Variants in COL14A1 observed in about 807,000 individuals in gnomAD.
COL14A1 encodes collagen type XIV alpha 1 chain, also known as collagen alpha-1(XIV) chain.
COL14A1 carries 136 observed loss-of-function variants against 230.3 expected under a neutral mutation model. The observed-to-expected ratio is 0.59, with a 90% CI of 0.51 to 0.68. The LOEUF is 0.68. COL14A1 is among the 30% of genes least tolerant of loss of function. The probability of loss-of-function intolerance (pLI) is 0.00; values close to 1 mark genes in which losing one functional copy is unlikely to be tolerated. For missense variants in COL14A1, 1,976 were observed against 2,215.8 expected (o/e 0.89, Z 2.17); for synonymous variants, 792 against 784.1 (o/e 1.01, Z -0.17).
intron 14 of COL14A1, 29 bp from the exon 15 acceptor site, chr8:120,225,059 G>A (rs954359879): frequency 1.9e-6 from 3 of 1,600,112 alleles, no homozygotes; most frequent in African/African-American, 1.3e-5. Context: ...ATTAGATAGA[G>A]CTGTTATTAT....
Position 120,209,877 on chromosome 8 carries a change from G to T in COL14A1, c.1443G>T (p.Glu481Asp), listed in dbSNP as rs374310944. The T allele has an allele frequency of 6.2e-6, 10 of 1,608,726 alleles. No individual in the cohort carries two copies. The highest frequency in any genetic ancestry group is 8.5e-6 in the Non-Finnish European group (10 of 1,177,900). ...GYLILYAPLT[E>D]GLAGDEKEMK... is the part of the protein sequence containing the mutation. ...TGATCCTTTATGCTCCTCTAACAGA[G>T]GGCCTGGCTGGGGATGAAAAAGAGG... Residue 481 changes from glutamate (E) to aspartate (D), a missense_variant, in exon 12 of 48, where the codon GAG becomes GAT. Glu to Asp is a conservative substitution (Grantham distance 45). Around this residue, in one of 3 missense-constraint regions of COL14A1, gnomAD observed 1,791 missense variants for 2,019.5 expected, o/e 0.89. Coordinates refer to ENST00000297848, the MANE Select transcript of COL14A1 (RefSeq NM_021110.4).
chr8:120,288,049 G>A (rs1820260516), intron 33 of COL14A1, among the ~76,000 whole-genome samples: 1 of 151,008 alleles, frequency 6.6e-6, no homozygotes, highest in South Asian at 2.1e-4. Context: ...TTAAGCATGT[G>A]AATAACTCCC....
chr8:120,297,502 A>G lies in COL14A1; in HGVS notation c.4237-9A>G. 2 of 1,419,260 alleles carry G rather than the reference A, an allele frequency of 1.4e-6. No individual in the cohort carries two copies. The highest frequency in any genetic ancestry group is 1.9e-6 in the Non-Finnish European group (2 of 1,080,936). The allele number at this position is 1,419,260 out of a possible 1,614,324, so 87.9% of individuals were successfully genotyped here. A position where few individuals can be genotyped will look rare whatever the true frequency, so the allele number is the denominator to read the frequency against. ...TTTATTGAATGACAATTTTCTTTTTAAATCATAGTTCCAGTTACAGATGTT... is the reference window on the plus strand; with the variant it reads ...TTTATTGAATGACAATTTTCTTTTTGAATCATAGTTCCAGTTACAGATGTT... On this transcript the variant is annotated splice_polypyrimidine_tract_variant and intron_variant, in intron 34 of 47. Transcript: ENST00000297848.
intron 9 of COL14A1, among the ~76,000 whole-genome samples, chr8:120,204,922 A>G (rs1817380423): frequency 6.6e-6 from 1 of 152,002 alleles, no homozygotes; most frequent in African/African-American, 2.4e-5. Context: ...ATTGTAGGGG[A>G]AAAGATTCAT....
chr8:120,244,927 C>T lies in COL14A1; in HGVS notation c.2479+919C>T, dbSNP rs569559644. ...AAATCTTATGTCCTTCCGTGCCTTACAAAGATCAACCTACCACCTGGATCC... is the reference window on the plus strand; with the variant it reads ...AAATCTTATGTCCTTCCGTGCCTTATAAAGATCAACCTACCACCTGGATCC... On this transcript the variant is annotated intron_variant, in intron 20 of 47. Coordinates refer to ENST00000297848, the MANE Select transcript of COL14A1 (RefSeq NM_021110.4). Among the ~76,000 whole-genome samples, 293 of 152,288 alleles carry T rather than the reference C, an allele frequency of 1.9e-3. 1 individual carries two copies. The highest frequency in any genetic ancestry group is 0.01 in the Middle Eastern group (3 of 294).
rs995685472 is a variant in COL14A1 at position 120,371,781 on chromosome 8, A to G, written c.*550A>G. The G allele has an allele frequency of 5.1e-6, 2 of 392,990 alleles. No individual in the cohort carries two copies. Among genetic ancestry groups the G allele is most frequent in the Admixed American group, 4.4e-5 (1 of 22,550 alleles). The allele number at this position is 392,990 out of a possible 1,614,324, so 24.3% of individuals were successfully genotyped here. On this transcript the variant is annotated 3_prime_UTR_variant, in exon 48 of 48. Transcript: ENST00000297848. ...CTGGTTTCATGTGTATCCAAAAATC[A>G]GCATTTGGATTTAAGCTTTCTGAAT... is the stretch of plus-strand genomic sequence containing the variant.
At chr8:120,350,598 T>A (rs1822714697) in intron 45 of COL14A1, among the ~76,000 whole-genome samples, 1 of 150,468 alleles carries the variant, frequency 6.6e-6, no homozygotes, top group Non-Finnish European at 1.5e-5. Context: ...TAGTCTCTGA[T>A]AAAACAGACT....
At chr8:120,300,414 A>G (rs759553880) in intron 35 of COL14A1, among the ~76,000 whole-genome samples, 12 of 152,066 alleles carry the variant, frequency 7.9e-5, no homozygotes, top group Non-Finnish European at 1.3e-4. Flanking sequence ...ACAGAGTACT[A>G]TCACTCCAAC....
rs970722200 is a variant in COL14A1 at position 120,209,861 on chromosome 8, A to T, written c.1427A>T (p.Tyr476Phe). 6.2e-7 allele frequency: 1 copy of T among 1,613,622 alleles called. No homozygotes were observed. Residue 476 changes from tyrosine (Y) to phenylalanine (F), a missense_variant, in exon 12 of 48, where the codon TAT becomes TTT. By Grantham distance (22) the Tyr-to-Phe change is conservative. This residue lies in a region of COL14A1 where 1,791 missense variants were observed against 2,019.5 expected (regional missense o/e 0.89). Coordinates refer to ENST00000297848, the MANE Select transcript of COL14A1 (RefSeq NM_021110.4). ...GGGGCCTCAGGTTACCTGATCCTTT[A>T]TGCTCCTCTAACAGAGGGCCTGGCT... ...VPGASGYLIL[Y>F]APLTEGLAGD...
chr8:120,248,949 G>C, intron 21 of COL14A1, among the ~76,000 whole-genome samples: 1 of 83,222 alleles, frequency 1.2e-5, no homozygotes, highest in African/African-American at 7.1e-5. Flanking sequence ...TTTTTGAGAC[G>C]GAGTCTCGCT....
At chr8:120,225,363 G>A (rs990581712) in intron 15 of COL14A1, 149 bp downstream of exon 15, 14 of 677,832 alleles carry the variant, frequency 2.1e-5, no homozygotes, top group Non-Finnish European at 2.8e-5. Flanking sequence ...TAAACAATTG[G>A]ATGACTATTA....
At chr8:120,192,414 C>T (rs965359924) in intron 5 of COL14A1, among the ~76,000 whole-genome samples, 5 of 152,116 alleles carry the variant, frequency 3.3e-5, no homozygotes, top group Non-Finnish European at 7.4e-5. Context: ...CCGAGAGATC[C>T]ACTGTTAGTC....
chr8:120,306,613 C>T (rs1820865758), intron 36 of COL14A1, among the ~76,000 whole-genome samples: 1 of 152,116 alleles, frequency 6.6e-6, no homozygotes, highest in South Asian at 2.1e-4. Context: ...ATCATATTCT[C>T]TTTGTGAAGT....
intron 18 of COL14A1, among the ~76,000 whole-genome samples, chr8:120,230,828 G>T (rs1035262711): frequency 1.3e-5 from 2 of 152,160 alleles, no homozygotes; most frequent in African/African-American, 4.8e-5. Context: ...TGAAGTTAGG[G>T]TAGAAGAGAA....
At chr8:120,196,193 A>G (rs1817033731) in intron 5 of COL14A1, among the ~76,000 whole-genome samples, 1 of 152,246 alleles carries the variant, frequency 6.6e-6, no homozygotes, top group African/African-American at 2.4e-5. Flanking sequence ...TACACATAAT[A>G]TGCAAAAAAC....
chr8:120,363,128 G>T (rs1172455622), intron 45 of COL14A1, among the ~76,000 whole-genome samples: 1 of 152,108 alleles, frequency 6.6e-6, no homozygotes, highest in Admixed American at 6.6e-5. Flanking sequence ...AGGTATGCTT[G>T]CTTATAATGG....
chr8:120,279,891 G>C, intron 28 of COL14A1, 44 bp from the exon 29 acceptor site: 1 of 1,597,964 alleles, frequency 6.3e-7, no homozygotes, highest in Non-Finnish European at 8.5e-7. Context: ...TTTGTGTTTT[G>C]TACAATTTAA....
At chr8:120,204,380 A>G (rs1563670379) in intron 9 of COL14A1, among the ~76,000 whole-genome samples, 2 of 152,052 alleles carry the variant, frequency 1.3e-5, no homozygotes, top group Non-Finnish European at 2.9e-5. Flanking sequence ...TCCATCTCCA[A>G]TATTTTTCAT....
chr8:120,315,909 T>A (rs753990295), intron 39 of COL14A1, 35 bp from the exon 40 acceptor site: 22 of 1,610,906 alleles, frequency 1.4e-5, no homozygotes, highest in Non-Finnish European at 1.6e-5. Flanking sequence ...CTCATTCCTG[T>A]GAACCTGACT....
Sources: gnomAD v4.1 joint callset for allele counts (sites outside exome capture counted in the v4.1 genomes callset) on GRCh38, gnomAD v4.1.1 for gene constraint, gnomAD v4.1.1 regional missense constraint, MANE v1.5 for transcripts, NCBI Gene and HGNC (gene_info 2026-07-23, HGNC 2026-07-21) for gene names.